Variants in CPQ observed in about 807,000 individuals in gnomAD.
CPQ encodes the protein Ser-Met dipeptidase.
In CPQ, 37 loss-of-function variants were observed where a neutral mutation model predicts 45.7. The observed-to-expected ratio is 0.81, with a 90% confidence interval of 0.62 to 1.07. CPQ has a LOEUF of 1.07. Among genes scored for constraint, CPQ ranks in the 50% least tolerant of loss-of-function variants. The pLI is 0.00. For missense variants in CPQ, 537 were observed against 572.9 expected (o/e 0.94, Z 0.64); for synonymous variants, 186 against 205.8 (o/e 0.90, Z 0.82).
In CPQ at chr8:96,996,890, T is replaced by C. The variant is rs188152117; in HGVS notation, c.961+30844T>C. Reference sequence around the variant, plus strand: ...GACTAGAGCAAAGCAGTTAGTTTGCTATTAGTGGAATAAGGTAGGCAAAGC... The same window carrying C: ...GACTAGAGCAAAGCAGTTAGTTTGCCATTAGTGGAATAAGGTAGGCAAAGC... On this transcript the variant is annotated intron_variant, in intron 5 of 7. Transcript: ENST00000220763. Among the ~76,000 whole-genome samples the C allele has an allele frequency of 7.2e-3, 1,089 of 152,128 alleles. 5 individuals carry two copies. Among genetic ancestry groups the C allele is most frequent in the African/African-American group, 0.024 (1,013 of 41,538 alleles).
At chr8:96,821,523 A>T (rs1195613858) in intron 2 of CPQ, among the ~76,000 whole-genome samples, 3 of 151,796 alleles carry the variant, frequency 2.0e-5, no homozygotes, top group Non-Finnish European at 2.9e-5. Context: ...CCAGTTTTTG[A>T]TAGGGGCTCT....
At chr8:96,876,052 A>T (rs983538974) in intron 3 of CPQ, among the ~76,000 whole-genome samples, 10 of 151,930 alleles carry the variant, frequency 6.6e-5, no homozygotes, top group African/African-American at 2.4e-4. Flanking sequence ...TTTTATTATG[A>T]ATTACATGGA....
intron 4 of CPQ, among the ~76,000 whole-genome samples, chr8:96,918,162 G>C (rs10955089): frequency 0.51 from 77,583 of 151,900 alleles, 21,246 homozygotes; most frequent in Non-Finnish European, 0.62. Context: ...CTCACTCCTT[G>C]TGCACCTTTA....
At chr8:97,005,742 C>A (rs1440984086) in intron 5 of CPQ, among the ~76,000 whole-genome samples, 1 of 151,994 alleles carries the variant, frequency 6.6e-6, no homozygotes, top group Non-Finnish European at 1.5e-5. Context: ...ACAAAGAAAC[C>A]TCATTTCTTC....
intron 3 of CPQ, among the ~76,000 whole-genome samples, chr8:96,842,592 T>C (rs966379829): frequency 1.3e-5 from 2 of 152,228 alleles, no homozygotes; most frequent in African/African-American, 4.8e-5. Flanking sequence ...TCATCATCCT[T>C]TCTTTTCCCC....
Position 97,063,898 on chromosome 8 carries a change from G to A in CPQ, c.1054-2111G>A, listed in dbSNP as rs902059105. Among the ~76,000 whole-genome samples the A allele has an allele frequency of 4.6e-5, 7 of 152,208 alleles. No individual in the cohort carries two copies. In the South Asian group the frequency reaches 8.3e-4, roughly 18 times the overall value. Reference sequence around the variant, plus strand: ...GTAGTATAATTTGAAGTTGGGTAACGTGATGCCTCCAGCTTTGTTCTTCTT... The same window carrying A: ...GTAGTATAATTTGAAGTTGGGTAACATGATGCCTCCAGCTTTGTTCTTCTT... On this transcript the variant is annotated intron_variant, in intron 6 of 7. Transcript: ENST00000220763.
intron 6 of CPQ, among the ~76,000 whole-genome samples, chr8:97,051,457 C>T (rs1201337802): frequency 6.6e-6 from 1 of 152,100 alleles, no homozygotes; most frequent in East Asian, 1.9e-4. Flanking sequence ...GAGATTTCTG[C>T]AACAAGTCTA....
intron 1 of CPQ, among the ~76,000 whole-genome samples, chr8:96,714,657 G>A (rs1809653201): frequency 6.6e-6 from 1 of 151,934 alleles, no homozygotes; most frequent in South Asian, 2.1e-4. Flanking sequence ...ATTACTTCTT[G>A]GTTTGGATTC....
chr8:96,695,697 T>C (rs924053722), intron 1 of CPQ, among the ~76,000 whole-genome samples: 12 of 151,630 alleles, frequency 7.9e-5, no homozygotes, highest in South Asian at 2.1e-4. Flanking sequence ...AAAATGCTCA[T>C]CATCACTGGC....
At chr8:96,674,094 A>C (rs533470060) in intron 1 of CPQ, among the ~76,000 whole-genome samples, 47 of 152,194 alleles carry the variant, frequency 3.1e-4, no homozygotes, top group African/African-American at 1.1e-3. Context: ...TAGGTAATGC[A>C]GTATGTCAAC....
chr8:97,123,614 A>G (rs56016777), intron 7 of CPQ, among the ~76,000 whole-genome samples: 3,015 of 152,142 alleles, frequency 0.02, 88 homozygotes, highest in African/African-American at 0.067. Context: ...GTGAAAGAAT[A>G]AAGAATAAGG....
intron 5 of CPQ, among the ~76,000 whole-genome samples, chr8:97,025,495 C>T (rs10104494): frequency 0.069 from 10,461 of 152,196 alleles, 640 homozygotes; most frequent in African/African-American, 0.16. Context: ...CTAACAAAAC[C>T]TCAATGAGAC....
intron 3 of CPQ, among the ~76,000 whole-genome samples, chr8:96,868,038 G>A (rs987149705): frequency 1.3e-5 from 2 of 152,052 alleles, no homozygotes; most frequent in African/African-American, 4.8e-5. Flanking sequence ...CCAATGAGAT[G>A]TGAGTAGAGC....
chr8:97,101,252 TA>T (rs1171208985), intron 7 of CPQ, among the ~76,000 whole-genome samples: 1 of 152,004 alleles, frequency 6.6e-6, no homozygotes, highest in Non-Finnish European at 1.5e-5. Context: ...GTTCTCACAT[TA>T]AAAAAACTGT....
At chr8:96,961,503 C>G (rs1295130153) in intron 4 of CPQ, among the ~76,000 whole-genome samples, 3 of 152,142 alleles carry the variant, frequency 2.0e-5, no homozygotes, top group Non-Finnish European at 4.4e-5. Flanking sequence ...CAACTCCTCT[C>G]ATTCTATGAT....
chr8:97,004,360 G>C (rs2853266), intron 5 of CPQ, among the ~76,000 whole-genome samples: 54,684 of 150,712 alleles, frequency 0.36, 9,873 homozygotes, highest in South Asian at 0.39. Context: ...GACACTTGTA[G>C]TCTTTTAAAT....
intron 4 of CPQ, among the ~76,000 whole-genome samples, chr8:96,964,262 T>A (rs901371831): frequency 6.6e-6 from 1 of 150,726 alleles, no homozygotes; most frequent in Admixed American, 6.6e-5. Flanking sequence ...TGGGTCATAG[T>A]TTTGTGTATG....
At chr8:97,082,849 T>C (rs1810974556) in intron 7 of CPQ, among the ~76,000 whole-genome samples, 1 of 152,170 alleles carries the variant, frequency 6.6e-6, no homozygotes, top group South Asian at 2.1e-4. Flanking sequence ...AGTTATTTAT[T>C]TATGTAAGTG....
At chr8:96,707,405 G>C (rs1467726676) in intron 1 of CPQ, among the ~76,000 whole-genome samples, 1 of 152,076 alleles carries the variant, frequency 6.6e-6, no homozygotes, top group African/African-American at 2.4e-5. Flanking sequence ...TGTCCAACCT[G>C]TGGCCCAGGA....
Sources: allele counts gnomAD v4.1 joint callset (sites outside exome capture counted in the v4.1 genomes callset), GRCh38; gene constraint gnomAD v4.1.1; transcripts MANE v1.5; gene names NCBI Gene and HGNC (gene_info 2026-07-23, HGNC 2026-07-21).